Variants in UROS observed in about 807,000 individuals in gnomAD.
UROS encodes the protein uroporphyrinogen III synthase, also known as uroporphyrinogen-III synthase.
A neutral mutation model predicts 33.0 loss-of-function variants in UROS; 18 were observed. That is an observed-to-expected ratio of 0.55 (90% CI 0.38 to 0.81). The LOEUF is 0.81. Among genes scored for constraint, UROS ranks in the 30% least tolerant of loss-of-function variants. UROS has a pLI of 0.00. For synonymous variants in UROS, 114 were observed against 121.1 expected, an observed-to-expected ratio of 0.94 and a Z score of 0.38; for missense variants, 293 against 314.9, an observed-to-expected ratio of 0.93 and a Z score of 0.53.
intron 1 of UROS, 25 bp from the exon 2 acceptor site, chr10:125,816,550 C>T: frequency 6.2e-7 from 1 of 1,611,382 alleles, no homozygotes; most frequent in Non-Finnish European, 8.5e-7. Context: ...GGAAACAGAT[C>T]TTAATTAGAT....
At chr10:125,822,118 T>C (rs747339285) in intron 1 of UROS, among the ~76,000 whole-genome samples, 42 of 151,916 alleles carry the variant, frequency 2.8e-4, no homozygotes, top group Non-Finnish European at 5.3e-4. Context: ...CAGAGAAAAA[T>C]CAATTGAGAA....
At chr10:125,787,324 C>T (rs1480249045), downstream of UROS, among the ~76,000 whole-genome samples, 5 of 151,942 alleles carry the variant, frequency 3.3e-5, no homozygotes, top group East Asian at 7.7e-4. Context: ...ATCCCTCCCG[C>T]TCTTGTCTGC....
At chr10:125,811,938 G>A (rs959102788) in intron 5 of UROS, among the ~76,000 whole-genome samples, 1 of 151,882 alleles carries the variant, frequency 6.6e-6, no homozygotes, top group African/African-American at 2.4e-5. Flanking sequence ...ATTCACAATG[G>A]AATTAGTCAG....
intron 8 of UROS, among the ~76,000 whole-genome samples, chr10:125,795,893 C>T (rs1303559981): frequency 6.6e-6 from 1 of 152,208 alleles, no homozygotes; most frequent in Admixed American, 6.5e-5. Flanking sequence ...AACCAGCTTG[C>T]AATAGACATT....
intron 6 of UROS, among the ~76,000 whole-genome samples, chr10:125,806,413 C>CA (rs1852340968): frequency 2.6e-5 from 4 of 152,192 alleles, no homozygotes; most frequent in Admixed American, 2.6e-4. Context: ...TCTCAGCTGT[C>CA]AGCAGTTCAT....
intron 1 of UROS, among the ~76,000 whole-genome samples, chr10:125,821,057 T>C (rs1029491951): frequency 6.6e-6 from 1 of 152,198 alleles, no homozygotes; most frequent in Non-Finnish European, 1.5e-5. Flanking sequence ...CTGTGAAAGA[T>C]TTGCAAACTA....
chr10:125,821,894 G>A (rs1853943849), intron 1 of UROS, among the ~76,000 whole-genome samples: 1 of 152,100 alleles, frequency 6.6e-6, no homozygotes, highest in Non-Finnish European at 1.5e-5. Context: ...TCCATGACAT[G>A]GCTGGGTAGA....
At chr10:125,808,852 T>G (rs1170729941) in intron 5 of UROS, among the ~76,000 whole-genome samples, 2 of 152,238 alleles carry the variant, frequency 1.3e-5, no homozygotes, top group African/African-American at 4.8e-5. Flanking sequence ...GGGGAATGCA[T>G]ATTTGGTCTA....
At chr10:125,795,028 G>C (rs757215616) in intron 8 of UROS, 50 bp from the exon 9 acceptor site, 1 of 1,533,854 alleles carries the variant, frequency 6.5e-7, no homozygotes, top group Non-Finnish European at 9.0e-7. Flanking sequence ...ACTGAGGAGA[G>C]ACAACATTCC....
chr10:125,816,747 G>A, intron 1 of UROS: 3 of 584,726 alleles, frequency 5.1e-6, no homozygotes, highest in Non-Finnish European at 9.1e-6. Context: ...CACTTGGAAA[G>A]ACAGATGAAA....
chr10:125,807,340 T>C, intron 6 of UROS, 73 bp downstream of exon 6: 1 of 1,320,092 alleles, frequency 7.6e-7, no homozygotes, highest in South Asian at 1.2e-5. Flanking sequence ...GGAAATATTC[T>C]TTTCCCTAGG....
chr10:125,786,858 C>T (rs1178527709), downstream of UROS, among the ~76,000 whole-genome samples: 1 of 152,220 alleles, frequency 6.6e-6, no homozygotes, highest in Non-Finnish European at 1.5e-5. Context: ...CCTTCAGAAC[C>T]AGGGTTTCTC....
intron 6 of UROS, chr10:125,803,043 G>A (rs1228649556): frequency 4.3e-6 from 7 of 1,612,776 alleles, no homozygotes; most frequent in East Asian, 2.2e-5. Context: ...AGAGAAATGA[G>A]CATATTTTGG....
intron 7 of UROS, among the ~76,000 whole-genome samples, chr10:125,797,709 C>T (rs1589942348): frequency 6.6e-6 from 1 of 152,172 alleles, no homozygotes; most frequent in Non-Finnish European, 1.5e-5. Flanking sequence ...AGATCGGCTA[C>T]ATTTGTAGAC....
chr10:125,792,631 T>C (rs1851028316), intron 9 of UROS: 1 of 152,262 alleles, frequency 6.6e-6, no homozygotes, highest in African/African-American at 2.4e-5. Context: ...TGCGTGGTCT[T>C]CCCAAGTCAA....
At chr10:125,817,235 T>TTG (rs1407000308) in intron 1 of UROS, among the ~76,000 whole-genome samples, 1 of 144,668 alleles carries the variant, frequency 6.9e-6, no homozygotes, top group Non-Finnish European at 1.5e-5. Context: ...TTTTTTTTTT[T>TTG]TTTTTTTTTT....
At chr10:125,793,031 G>A (rs1851061460) in intron 9 of UROS, 1 of 152,272 alleles carries the variant, frequency 6.6e-6, no homozygotes, top group Non-Finnish European at 1.5e-5. Context: ...TGTAGTAAGA[G>A]GCGAGGGGGC....
chr10:125,807,570 C>T, intron 5 of UROS, 83 bp from the exon 6 acceptor site: 1 of 1,024,708 alleles, frequency 9.8e-7, no homozygotes, highest in Non-Finnish European at 1.5e-6. Flanking sequence ...CGTGCAAATA[C>T]ACAGGTATGC....
At chr10:125,797,169 CG>C (rs1395768411) in intron 7 of UROS, among the ~76,000 whole-genome samples, 1 of 151,998 alleles carries the variant, frequency 6.6e-6, no homozygotes, top group African/African-American at 2.4e-5. Context: ...CATTTTAATA[CG>C]GGGGGAAAGT....
Sources: gnomAD v4.1 joint callset for allele counts (sites outside exome capture counted in the v4.1 genomes callset) on GRCh38, gnomAD v4.1.1 for gene constraint, MANE v1.5 for transcripts, NCBI Gene and HGNC (gene_info 2026-07-23, HGNC 2026-07-21) for gene names.